MVK: variants seen among roughly 807,000 people sequenced by gnomAD.
MVK encodes the protein LH receptor mRNA-binding protein.
Under a neutral mutation model 43.2 loss-of-function variants are expected in MVK, and 34 were observed. The ratio of observed to expected loss-of-function variants is 0.79; its 90% CI spans 0.60 to 1.05. The LOEUF (loss-of-function observed/expected upper bound fraction) is 1.05, where lower values mean the gene tolerates loss of function less well. Among genes scored for constraint, MVK ranks in the 50% least tolerant of loss-of-function variants. The pLI is 0.00. For synonymous variants in MVK, 190 were observed against 219.8 expected, an observed-to-expected ratio of 0.86 and a Z score of 1.20; for missense variants, 395 against 504.0, an observed-to-expected ratio of 0.78 and a Z score of 2.07.
At position 109,579,790 on chromosome 12, in the gene MVK, C is replaced by A. The variant is rs2136224414; in HGVS notation, c.227-12C>A. Reference sequence around the variant, plus strand: ...TCACCCACTTGTGTTTGCTTGTTTGCCTGTGGAACAGAGCAAGGTGATGTC... The same window carrying A: ...TCACCCACTTGTGTTTGCTTGTTTGACTGTGGAACAGAGCAAGGTGATGTC... On this transcript the variant is annotated splice_polypyrimidine_tract_variant and intron_variant, in intron 3 of 10. Transcript: ENST00000228510. 6.2e-7 allele frequency: 1 copy of A among 1,614,174 alleles called. No individual in the cohort carries two copies. Among genetic ancestry groups the A allele is most frequent in the East Asian group, 2.2e-5 (1 of 44,884 alleles).
intron 7 of MVK, chr12:109,587,126 A>C: frequency 2.7e-6 from 1 of 369,640 alleles, no homozygotes. Context: ...GTTCCCGATG[A>C]TGCTGCACTG....
rs992725030 is a variant in MVK, at chr12:109,597,303, T to A, written c.*726T>A. On this transcript the variant is annotated 3_prime_UTR_variant, in exon 11 of 11. Transcript: ENST00000228510. ...CCACCAGCACCTCCCTCTGTCCCTG[T>A]CCCCTCTCCAGCTGTTTCCTCCATG... The A allele has an allele frequency of 2.0e-5, 3 of 153,548 alleles. No homozygotes were observed. Among genetic ancestry groups the A allele is most frequent in the Non-Finnish European group, 4.3e-5 (3 of 69,092 alleles). The allele number at this position is 153,548 out of a possible 1,614,324, so 9.5% of individuals were successfully genotyped here. A position where few individuals can be genotyped will look rare whatever the true frequency, so the allele number is the denominator to read the frequency against.
chr12:109,588,230 G>C (rs1885525235), intron 7 of MVK: 2 of 152,168 alleles, frequency 1.3e-5, no homozygotes, highest in Non-Finnish European at 2.9e-5. Context: ...AATCGTCAGA[G>C]AGAAGACACC....
intron 1 of MVK, 59 bp from the exon 2 acceptor site, chr12:109,574,750 C>T (rs1593010096): frequency 7.1e-7 from 1 of 1,407,728 alleles, no homozygotes; most frequent in East Asian, 2.5e-5. Context: ...TCTAAGATCT[C>T]TTCCTGCTGG....
chr12:109,589,725 G>A (rs528845593), intron 7 of MVK: 3 of 152,220 alleles, frequency 2.0e-5, no homozygotes, highest in African/African-American at 7.2e-5. Flanking sequence ...TGAAGACAGC[G>A]AATAAAGGTA....
intron 5 of MVK, among the ~76,000 whole-genome samples, chr12:109,583,648 G>A (rs10850413): frequency 0.31 from 46,563 of 151,956 alleles, 7,436 homozygotes; most frequent in African/African-American, 0.39. Flanking sequence ...GGTATTTCTA[G>A]TTCTACATCC....
rs1885937837 is a variant in MVK, at chr12:109,596,798, C to G, written c.*221C>G. 3.0e-6 allele frequency: 2 copies of G among 658,324 alleles called. No homozygotes were observed. Among genetic ancestry groups the G allele is most frequent in the South Asian group, 3.8e-5 (2 of 53,140 alleles). 40.8% of individuals were successfully genotyped at this position (658,324 alleles called of 1,614,324 possible). A position where few individuals can be genotyped will look rare whatever the true frequency, so the allele number is the denominator to read the frequency against. ...CCTCTGGAGCCAGCCGAGCAGGAGGCCTAGGAGGGTCCTCTGAGACTCCAG... is the reference window on the plus strand; with the variant it reads ...CCTCTGGAGCCAGCCGAGCAGGAGGGCTAGGAGGGTCCTCTGAGACTCCAG... On this transcript the variant is annotated 3_prime_UTR_variant, in exon 11 of 11. Coordinates refer to ENST00000228510, the MANE Select transcript of MVK (RefSeq NM_000431.4).
chr12:109,582,312 GT>G (rs60036171), intron 5 of MVK, among the ~76,000 whole-genome samples: 854 of 47,916 alleles, frequency 0.018, 2 homozygotes, highest in African/African-American at 0.056. Flanking sequence ...TCTGAGCTTG[GT>G]TTTTTTGTTT....
At chr12:109,586,192 C>G in intron 6 of MVK, 67 bp downstream of exon 6, 1 of 1,242,954 alleles carries the variant, frequency 8.0e-7, no homozygotes, top group South Asian at 1.3e-5. Context: ...TGGTAGGTGC[C>G]CAAGAGTCTG....
In MVK at chr12:109,579,804, C is replaced by G; in HGVS notation, c.229C>G (p.Gln77Glu). The change falls in exon 4 of 11, where the codon CAA (glutamine) becomes GAA (glutamate). Residue 77 changes from glutamine to glutamate, a missense_variant and splice_region_variant. Gln to Glu is a conservative substitution (Grantham distance 29). Transcript: ENST00000228510. ...LQSLDTSFLE[Q>E]GDVTTPTSEQ... ...TTGCTTGTTTGCCTGTGGAACAGAG[C>G]AAGGTGATGTCACAACACCCACCTC... 1 of 1,614,228 alleles carries G rather than the reference C, an allele frequency of 6.2e-7. No homozygotes were observed. Among genetic ancestry groups the G allele is most frequent in the South Asian group, 1.1e-5 (1 of 91,084 alleles).
upstream of MVK, chr12:109,573,617 C>T: frequency 9.8e-7 from 1 of 1,023,008 alleles, no homozygotes; most frequent in Non-Finnish European, 1.5e-6. Flanking sequence ...GGGCGGGACA[C>T]TCCCAGGGAC....
At chr12:109,573,552 C>T (rs926104999), upstream of MVK, 3 of 1,521,770 alleles carry the variant, frequency 2.0e-6, no homozygotes, top group Non-Finnish European at 2.7e-6. Context: ...CCACCCACAG[C>T]TGGCCGCGCC....
chr12:109,586,481 GC>G (rs1220444229), intron 6 of MVK, among the ~76,000 whole-genome samples: 1 of 152,156 alleles, frequency 6.6e-6, no homozygotes, highest in African/African-American at 2.4e-5. Context: ...TGTGTCCTGG[GC>G]CCCACCTTCA....
chr12:109,584,189 A>G (rs777208439), intron 5 of MVK, among the ~76,000 whole-genome samples: 1 of 152,268 alleles, frequency 6.6e-6, no homozygotes, highest in Non-Finnish European at 1.5e-5. Context: ...TTGAGAAAGC[A>G]TTTAGCACAA....
chr12:109,587,591 T>C (rs1885493308), intron 7 of MVK, among the ~76,000 whole-genome samples: 1 of 152,138 alleles, frequency 6.6e-6, no homozygotes, highest in South Asian at 2.1e-4. Flanking sequence ...GCCACCTCCA[T>C]GGGCCTTTTC....
rs1885986419 is a variant in MVK at position 109,597,920 on chromosome 12, G to A, written c.*1343G>A. The A allele has an allele frequency of 6.6e-6, 1 of 152,182 alleles. No homozygotes were observed. The highest frequency in any genetic ancestry group is 2.4e-5 in the African/African-American group (1 of 41,424). The allele number at this position is 152,182 out of a possible 1,614,324, so 9.4% of individuals were successfully genotyped here. On this transcript the variant is annotated 3_prime_UTR_variant, in exon 11 of 11. Coordinates refer to ENST00000228510, the MANE Select transcript of MVK (RefSeq NM_000431.4). ...CTTCCCTGCTGTTGTCTTCCTGCAG[G>A]GTGAGAGGAGCAGGAGCCGAGCTCC...
chr12:109,573,539 A>G (rs1281706411), upstream of MVK: 1 of 1,551,248 alleles, frequency 6.4e-7, no homozygotes, highest in Non-Finnish European at 8.7e-7. Context: ...CCGCGGGGTG[A>G]CTCCACCCAC....
intron 2 of MVK, 83 bp from the exon 3 acceptor site, chr12:109,575,915 T>C: frequency 1.3e-6 from 2 of 1,539,304 alleles, no homozygotes; most frequent in Admixed American, 1.7e-5. Context: ...TCTGTGCTTA[T>C]GTTTGCTCTC....
In MVK at chr12:109,581,486, G is replaced by T. The variant is rs1885215400; in HGVS notation, c.463G>T (p.Ala155Ser). 1 of 1,614,226 alleles carries T rather than the reference G, an allele frequency of 6.2e-7. No individual in the cohort carries two copies. The highest frequency in any genetic ancestry group is 8.5e-7 in the Non-Finnish European group (1 of 1,180,030). Residue 155 changes from alanine to serine, a missense_variant, in exon 5 of 11, where the codon GCA (alanine) becomes TCA (serine). Ala to Ser is a moderately conservative substitution (Grantham distance 99). Transcript: ENST00000228510. ...SSAAYSVCLA[A>S]ALLTVCEEIP... ...CGCCGCCTACTCGGTGTGTCTGGCA[G>T]CAGCCCTCCTGACTGTGTGCGAGGA...
Sources: allele counts gnomAD v4.1 joint callset (sites outside exome capture counted in the v4.1 genomes callset), GRCh38; gene constraint gnomAD v4.1.1; transcripts MANE v1.5; gene names NCBI Gene and HGNC (gene_info 2026-07-23, HGNC 2026-07-21).